Variants in BTRC observed in about 807,000 individuals in gnomAD.
The protein encoded by BTRC is F-box/WD repeat-containing protein 1A.
BTRC carries 42 observed loss-of-function variants against 85.5 expected under a neutral mutation model. The ratio of observed to expected loss-of-function variants is 0.49; its 90% CI spans 0.38 to 0.64. The LOEUF is 0.64. Ranked by LOEUF, BTRC falls within the 30% of genes least tolerant of loss-of-function variation. The pLI is 0.00. For synonymous variants in BTRC, 255 were observed against 263.3 expected (o/e 0.97, Z 0.30); for missense variants, 594 against 743.5 (o/e 0.80, Z 2.34).
At chr10:101,393,641 AAAAC>A (rs1400419766) in intron 1 of BTRC, among the ~76,000 whole-genome samples, 2 of 152,218 alleles carry the variant, frequency 1.3e-5, no homozygotes, top group Admixed American at 6.5e-5. Context: ...AACAAAAACA[AAAAC>A]AACCCACATT....
chr10:101,386,861 C>T (rs145471356), intron 1 of BTRC, among the ~76,000 whole-genome samples: 1 of 152,118 alleles, frequency 6.6e-6, no homozygotes, highest in Admixed American at 6.5e-5. Flanking sequence ...AATTTAAGAT[C>T]ATGAAAATAG....
chr10:101,379,890 A>T (rs1942885865), intron 1 of BTRC, among the ~76,000 whole-genome samples: 1 of 152,224 alleles, frequency 6.6e-6, no homozygotes, highest in Non-Finnish European at 1.5e-5. Flanking sequence ...AATAAGCTAT[A>T]AAAATACAAT....
intron 3 of BTRC, among the ~76,000 whole-genome samples, chr10:101,463,149 G>A (rs1203188389): frequency 3.3e-5 from 5 of 151,944 alleles, no homozygotes; most frequent in African/African-American, 4.8e-5. Flanking sequence ...GGGTTCAAGC[G>A]ACTCTTCTGC....
chr10:101,546,170 C>G (rs2062555303), intron 13 of BTRC, among the ~76,000 whole-genome samples: 1 of 152,180 alleles, frequency 6.6e-6, no homozygotes. Flanking sequence ...CAGCAGAATA[C>G]ACATTCTTCT....
intron 1 of BTRC, among the ~76,000 whole-genome samples, chr10:101,392,716 G>GTTTC (rs1344690929): frequency 6.6e-6 from 1 of 152,076 alleles, no homozygotes; most frequent in Non-Finnish European, 1.5e-5. Context: ...TAGAGACAGG[G>GTTTC]TTTCACCATG....
intron 3 of BTRC, among the ~76,000 whole-genome samples, chr10:101,464,587 C>T (rs4485041): frequency 0.064 from 7,799 of 121,878 alleles, 496 homozygotes; most frequent in East Asian, 0.42. Context: ...ATCTGTCATT[C>T]AGTGTTGAGA....
intron 2 of BTRC, among the ~76,000 whole-genome samples, chr10:101,451,097 C>A (rs564988066): frequency 7.9e-5 from 12 of 152,172 alleles, no homozygotes; most frequent in Non-Finnish European, 1.6e-4. Flanking sequence ...GTTTGTTAGA[C>A]TTAAAATATT....
chr10:101,431,045 C>T (rs1223393665), intron 2 of BTRC, among the ~76,000 whole-genome samples: 1 of 146,784 alleles, frequency 6.8e-6, no homozygotes, highest in South Asian at 2.2e-4. Flanking sequence ...CATGAATTAA[C>T]AGATTCCAGT....
intron 4 of BTRC, among the ~76,000 whole-genome samples, chr10:101,505,613 C>G (rs1171370061): frequency 6.8e-6 from 1 of 146,304 alleles, no homozygotes; most frequent in Admixed American, 6.9e-5. Context: ...GAGCGAGACT[C>G]CGTCTCAAAA....
chr10:101,479,585 G>A (rs556756983), intron 4 of BTRC, 128 bp downstream of exon 4: 3 of 619,778 alleles, frequency 4.8e-6, no homozygotes, highest in Admixed American at 3.2e-5. Flanking sequence ...ATACAAACAG[G>A]CATCATTTTA....
At chr10:101,507,640 T>G (rs193271502) in intron 4 of BTRC, among the ~76,000 whole-genome samples, 1 of 152,312 alleles carries the variant, frequency 6.6e-6, no homozygotes, top group Non-Finnish European at 1.5e-5. Flanking sequence ...TAATTAGTGC[T>G]GTCATGGAAG....
At chr10:101,534,575 A>G (rs986373979) in intron 9 of BTRC, 86 bp from the exon 10 acceptor site, 2 of 1,531,122 alleles carry the variant, frequency 1.3e-6, no homozygotes, top group East Asian at 2.3e-5. Flanking sequence ...CTCTCTAAAT[A>G]TAAGGGGTGG....
At chr10:101,382,023 C>A (rs902659153) in intron 1 of BTRC, among the ~76,000 whole-genome samples, 1 of 105,238 alleles carries the variant, frequency 9.5e-6, no homozygotes, top group African/African-American at 3.9e-5. Flanking sequence ...TGCTCTGTTG[C>A]CTAGGCTGGA....
intron 14 of BTRC, among the ~76,000 whole-genome samples, chr10:101,551,644 G>A (rs951593715): frequency 2.0e-5 from 3 of 152,224 alleles, no homozygotes; most frequent in Admixed American, 1.3e-4. Context: ...GATTTGCCAC[G>A]TGTGCCTCAG....
At chr10:101,371,319 C>T (rs1319411261) in intron 1 of BTRC, among the ~76,000 whole-genome samples, 3 of 152,142 alleles carry the variant, frequency 2.0e-5, no homozygotes, top group African/African-American at 7.2e-5. Flanking sequence ...GCTGGGACTA[C>T]AGGTGTGTGC....
chr10:101,499,464 G>C (rs987022004), intron 4 of BTRC, among the ~76,000 whole-genome samples: 1 of 151,944 alleles, frequency 6.6e-6, no homozygotes, highest in African/African-American at 2.4e-5. Context: ...TGGCCTCAAA[G>C]TGATCTGCCC....
chr10:101,479,257 T>C (rs187181852), intron 3 of BTRC, 111 bp from the exon 4 acceptor site: 12 of 764,064 alleles, frequency 1.6e-5, no homozygotes, highest in South Asian at 1.8e-5. Flanking sequence ...TCTTAACTTA[T>C]AGATAAAATC....
At chr10:101,459,795 T>C in intron 2 of BTRC, among the ~76,000 whole-genome samples, 1 of 152,154 alleles carries the variant, frequency 6.6e-6, no homozygotes, top group East Asian at 1.9e-4. Context: ...TCTGATAAAA[T>C]AGAGGGTCAG....
intron 4 of BTRC, among the ~76,000 whole-genome samples, chr10:101,511,568 T>C (rs935462053): frequency 1.3e-5 from 2 of 152,150 alleles, no homozygotes; most frequent in Non-Finnish European, 2.9e-5. Context: ...TTGTTTTGTT[T>C]TGTTTTGCGA....
Sources: allele counts gnomAD v4.1 joint callset (sites outside exome capture counted in the v4.1 genomes callset), GRCh38; gene constraint gnomAD v4.1.1; transcripts MANE v1.5; gene names NCBI Gene and HGNC (gene_info 2026-07-23, HGNC 2026-07-21).